The following ZBTB44 variants were observed in gnomAD, a reference collection of about 807,000 sequenced individuals.
The protein encoded by ZBTB44 is zinc finger and BTB domain-containing protein 44.
A neutral mutation model predicts 54.0 loss-of-function variants in ZBTB44; 15 were observed. The ratio of observed to expected loss-of-function variants is 0.28; its 90% CI spans 0.19 to 0.43. The LOEUF (loss-of-function observed/expected upper bound fraction) is 0.43, where lower values mean the gene tolerates loss of function less well. Ranked by LOEUF, ZBTB44 falls within the 20% of genes least tolerant of loss-of-function variation. ZBTB44 has a pLI of 1.00. For synonymous variants in ZBTB44, 230 were observed against 250.1 expected, an observed-to-expected ratio of 0.92 and a Z score of 0.76; for missense variants, 487 against 707.1, an observed-to-expected ratio of 0.69 and a Z score of 3.53.
At chr11:130,243,444 T>G (rs1246041276) in intron 2 of ZBTB44, among the ~76,000 whole-genome samples, 10 of 152,272 alleles carry the variant, frequency 6.6e-5, no homozygotes, top group African/African-American at 1.9e-4. Flanking sequence ...TTGAGATTCC[T>G]TGGCCTACCC....
chr11:130,244,667 G>GAAAAA (rs11360161), intron 2 of ZBTB44, among the ~76,000 whole-genome samples: 1 of 104,802 alleles, frequency 9.5e-6, no homozygotes, highest in African/African-American at 3.3e-5. Flanking sequence ...ACTCTGTCTG[G>GAAAAA]AAAAAAAAAA....
intron 1 of ZBTB44, among the ~76,000 whole-genome samples, chr11:130,304,998 T>C (rs972349991): frequency 6.6e-6 from 1 of 152,142 alleles, no homozygotes; most frequent in African/African-American, 2.4e-5. Context: ...ACGCAATCCC[T>C]TTTACAACAG....
At chr11:130,264,141 A>G (rs932296375) in intron 1 of ZBTB44, among the ~76,000 whole-genome samples, 3 of 152,234 alleles carry the variant, frequency 2.0e-5, no homozygotes, top group Non-Finnish European at 2.9e-5. Flanking sequence ...TATAAGAAAT[A>G]TAACACAACA....
intron 4 of ZBTB44, 92 bp from the exon 5 acceptor site, chr11:130,237,185 C>A (rs1591924354): frequency 8.0e-7 from 1 of 1,257,050 alleles, no homozygotes. Context: ...TCTGTAGCAA[C>A]AGATCATCTG....
chr11:130,286,132 C>T (rs896157202), intron 1 of ZBTB44, among the ~76,000 whole-genome samples: 2 of 152,094 alleles, frequency 1.3e-5, no homozygotes, highest in Non-Finnish European at 2.9e-5. Flanking sequence ...TCTAAATTAT[C>T]AGACTGAGAC....
chr11:130,304,464 T>C (rs1002460343), intron 1 of ZBTB44, among the ~76,000 whole-genome samples: 1 of 152,182 alleles, frequency 6.6e-6, no homozygotes, highest in African/African-American at 2.4e-5. Context: ...CAACAGTCTT[T>C]AATGCTTGAC....
intron 5 of ZBTB44, among the ~76,000 whole-genome samples, chr11:130,235,879 GT>G (rs1193179954): frequency 1.1e-4 from 17 of 151,392 alleles, no homozygotes; most frequent in African/African-American, 3.9e-4. Flanking sequence ...GTGGGCACCT[GT>G]AATCCCAGCT....
At chr11:130,297,584 T>C (rs1399003944) in intron 1 of ZBTB44, among the ~76,000 whole-genome samples, 1 of 152,198 alleles carries the variant, frequency 6.6e-6, no homozygotes, top group African/African-American at 2.4e-5. Flanking sequence ...GGGAGATCAT[T>C]AAGGTGTCCT....
chr11:130,261,367 C>G lies in ZBTB44; in HGVS notation c.507G>C (p.Val169=). 6 of 1,613,900 alleles carry G rather than the reference C, an allele frequency of 3.7e-6. No individual in the cohort carries two copies. The highest frequency in any genetic ancestry group is 5.1e-6 in the Non-Finnish European group (6 of 1,179,880). ...SISPVSSECS[V]VERTIPVCRE... is the part of the protein sequence containing the mutation. ...GGCAGACAGGAATGGTTCTTTCTAC[C>G]ACACTGCACTCTGAGGACACGGGAG... is the stretch of plus-strand genomic sequence containing the variant. Residue 169 remains valine, a synonymous_variant, in exon 2 of 8, where the codon GTG becomes GTC. Coordinates refer to ENST00000357899, the MANE Select transcript of ZBTB44 (RefSeq NM_001301098.2). This position sits in a 1 kb window ranked among gnomAD's most constrained non-coding sequence, Gnocchi z 4.8.
chr11:130,290,515 T>C (rs1008902854), intron 1 of ZBTB44, among the ~76,000 whole-genome samples: 1 of 152,232 alleles, frequency 6.6e-6, no homozygotes. Flanking sequence ...CCACTGCCAC[T>C]GCCTCTGCCT....
chr11:130,281,848 G>A (rs1042730005), intron 1 of ZBTB44, among the ~76,000 whole-genome samples: 15 of 152,216 alleles, frequency 9.9e-5, no homozygotes, highest in African/African-American at 2.4e-4. Context: ...CTCGTGATCC[G>A]CCCGCCTTGG....
rs1953877511 is a variant in ZBTB44, at chr11:130,231,558, C to T, written c.*206G>A. The stretch of plus-strand genomic sequence containing the variant: ...ATATCTTGGAGCTACCAACATTGTG[C>T]TTGGCTCTTAATGCGAAGTTTTCAG... On this transcript the variant is annotated 3_prime_UTR_variant, in exon 8 of 8. Coordinates refer to ENST00000357899, the MANE Select transcript of ZBTB44 (RefSeq NM_001301098.2). 1 of 152,138 alleles carries T rather than the reference C, an allele frequency of 6.6e-6. No individual in the cohort carries two copies. Among genetic ancestry groups the T allele is most frequent in the Admixed American group, 6.5e-5 (1 of 15,268 alleles). The allele number at this position is 152,138 out of a possible 1,614,324, so 9.4% of individuals were successfully genotyped here.
intron 1 of ZBTB44, among the ~76,000 whole-genome samples, chr11:130,307,146 C>T (rs938383095): frequency 1.3e-5 from 2 of 151,890 alleles, no homozygotes; most frequent in Admixed American, 6.6e-5. Flanking sequence ...TACTGTAGCC[C>T]GGGTGTGGTG....
rs1592099169 is a variant in ZBTB44, at chr11:130,314,848, C to A, written c.-530G>T. 7.2e-6 allele frequency: 1 copy of A among 138,772 alleles called. No homozygotes were observed. Among genetic ancestry groups the A allele is most frequent in the Admixed American group, 7.2e-5 (1 of 13,930 alleles). 8.6% of individuals were successfully genotyped at this position (138,772 alleles called of 1,614,324 possible). A position where few individuals can be genotyped will look rare whatever the true frequency, so the allele number is the denominator to read the frequency against. The stretch of plus-strand genomic sequence containing the variant: ...GGGAGCCGCCGCCGCGCGCGTGCGG[C>A]CGGCGCCGCCGCCGTTGCCGCTCCG... On this transcript the variant is annotated 5_prime_UTR_variant, in exon 1 of 8. Coordinates refer to ENST00000357899, the MANE Select transcript of ZBTB44 (RefSeq NM_001301098.2).
intron 5 of ZBTB44, among the ~76,000 whole-genome samples, chr11:130,235,870 T>C (rs968059108): frequency 1.3e-5 from 2 of 150,874 alleles, no homozygotes; most frequent in Non-Finnish European, 2.9e-5. Flanking sequence ...GGTGTAGTGG[T>C]GGGCACCTGT....
chr11:130,276,843 T>C (rs933885240), intron 1 of ZBTB44, among the ~76,000 whole-genome samples: 2 of 152,224 alleles, frequency 1.3e-5, no homozygotes, highest in African/African-American at 4.8e-5. Context: ...TTATTACATA[T>C]ATGCAACATA....
chr11:130,233,028 A>C (rs1953938597), intron 7 of ZBTB44: 1 of 326,214 alleles, frequency 3.1e-6, no homozygotes, highest in Non-Finnish European at 5.5e-6. Flanking sequence ...AAAAAAAAAG[A>C]ATGTAGCCTC....
At position 130,272,225 on chromosome 11, in the gene ZBTB44, G is replaced by A. The variant is rs147184455; in HGVS notation, c.-56-10296C>T. 6.3e-3 allele frequency among the ~76,000 whole-genome samples: 951 copies of A among 150,002 alleles called. 10 individuals are homozygous for A. Among genetic ancestry groups the A allele is most frequent in the African/African-American group, 0.022 (878 of 40,282 alleles). On this transcript the variant is annotated intron_variant, in intron 1 of 7. Transcript: ENST00000357899. ...CCAGCCTGGGTGTCAACGAGACTCC[G>A]TCTCCAAAAAAAAAAAGAGTGTATG...
In ZBTB44 at chr11:130,266,772, T is replaced by G. The variant is rs1193803375; in HGVS notation, c.-56-4843A>C. On this transcript the variant is annotated intron_variant, in intron 1 of 7. Coordinates refer to ENST00000357899, the MANE Select transcript of ZBTB44 (RefSeq NM_001301098.2). ...AGTCTGAATTGCTGCAATCTCATGA[T>G]AAAACTTGAACAGATAAGGAGTTGC... 3.3e-5 allele frequency among the ~76,000 whole-genome samples: 5 copies of G among 152,308 alleles called. No homozygotes were observed. The East Asian group carries it at 9.7e-4, about 29-fold the overall frequency.
Sources: allele counts gnomAD v4.1 joint callset (sites outside exome capture counted in the v4.1 genomes callset), GRCh38; gene constraint gnomAD v4.1.1; non-coding constraint Gnocchi (gnomAD v3.1); transcripts MANE v1.5; gene names NCBI Gene and HGNC (gene_info 2026-07-23, HGNC 2026-07-21).